SPIDR: variants seen among roughly 807,000 people sequenced by gnomAD.
The protein encoded by SPIDR is scaffold protein involved in DNA repair.
SPIDR carries 93 observed loss-of-function variants against 104.6 expected under a neutral mutation model. That is an observed-to-expected ratio of 0.89 (90% CI 0.75 to 1.06). The LOEUF is 1.06. Ranked by LOEUF, SPIDR falls within the 50% of genes least tolerant of loss-of-function variation. The pLI is 0.00. For synonymous variants in SPIDR, 431 were observed against 416.9 expected, an observed-to-expected ratio of 1.03 and a Z score of -0.41; for missense variants, 1,154 against 1,111.2, an observed-to-expected ratio of 1.04 and a Z score of -0.55.
At chr8:47,613,315 G>T (rs1431584602) in intron 10 of SPIDR, among the ~76,000 whole-genome samples, 1 of 152,192 alleles carries the variant, frequency 6.6e-6, no homozygotes, top group African/African-American at 2.4e-5. Context: ...CCATGCTGTA[G>T]CATGTACCAG....
At chr8:47,382,917 T>G (rs28687639) in intron 5 of SPIDR, among the ~76,000 whole-genome samples, 59 of 152,324 alleles carry the variant, frequency 3.9e-4, no homozygotes, top group Admixed American at 1.1e-3. Flanking sequence ...GGTCTTTTTC[T>G]TATCGTTTTG....
intron 8 of SPIDR, among the ~76,000 whole-genome samples, chr8:47,459,654 C>A (rs1471879415): frequency 1.3e-5 from 2 of 151,668 alleles, no homozygotes; most frequent in Non-Finnish European, 2.9e-5. Context: ...TTGGTTATTT[C>A]CTTTCTTCTG....
At chr8:47,628,699 ACTC>A (rs924202704) in intron 10 of SPIDR, among the ~76,000 whole-genome samples, 9 of 152,256 alleles carry the variant, frequency 5.9e-5, no homozygotes, top group Admixed American at 4.6e-4. Context: ...CTGAAAAAAA[ACTC>A]CTGTCCCAAG....
At chr8:47,467,511 C>T (rs1554718296) in intron 8 of SPIDR, among the ~76,000 whole-genome samples, 3 of 152,156 alleles carry the variant, frequency 2.0e-5, no homozygotes, top group Non-Finnish European at 4.4e-5. Context: ...AGCTTATCCA[C>T]CACGATCAAG....
chr8:47,601,648 G>A (rs562428298), intron 10 of SPIDR, among the ~76,000 whole-genome samples: 10 of 152,286 alleles, frequency 6.6e-5, no homozygotes, highest in Middle Eastern at 3.4e-3. Flanking sequence ...AGCCAAGATC[G>A]TGCCACTGCA....
At chr8:47,422,719 C>G (rs1253344768) in intron 7 of SPIDR, among the ~76,000 whole-genome samples, 1 of 152,140 alleles carries the variant, frequency 6.6e-6, no homozygotes, top group Non-Finnish European at 1.5e-5. Context: ...GAGATGTAGA[C>G]TGGAGCTGTT....
intron 12 of SPIDR, 48 bp downstream of exon 12, chr8:47,700,538 C>A: frequency 6.3e-7 from 1 of 1,589,934 alleles, no homozygotes; most frequent in Non-Finnish European, 8.6e-7. Flanking sequence ...CTACTCCATG[C>A]CAGGTGCCAA....
chr8:47,728,349 C>A (rs1430935242), intron 17 of SPIDR, among the ~76,000 whole-genome samples: 1 of 150,908 alleles, frequency 6.6e-6, no homozygotes, highest in Non-Finnish European at 1.5e-5. Flanking sequence ...GTGGGAGAAT[C>A]ACTTGAACCA....
At chr8:47,661,434 A>G (rs193185614) in intron 10 of SPIDR, among the ~76,000 whole-genome samples, 1 of 152,250 alleles carries the variant, frequency 6.6e-6, no homozygotes, top group Non-Finnish European at 1.5e-5. Flanking sequence ...AGTGTGGTGT[A>G]CTGGATGCAT....
chr8:47,536,838 C>T (rs1282304267), intron 8 of SPIDR, among the ~76,000 whole-genome samples: 4 of 152,162 alleles, frequency 2.6e-5, no homozygotes, highest in Non-Finnish European at 5.9e-5. Flanking sequence ...AGAACTTGTA[C>T]TCAGAATATA....
At chr8:47,562,591 G>A (rs774150168) in intron 8 of SPIDR, among the ~76,000 whole-genome samples, 5 of 152,224 alleles carry the variant, frequency 3.3e-5, no homozygotes, top group Non-Finnish European at 7.3e-5. Context: ...GTCACCTGAG[G>A]TGACTGCCTT....
At chr8:47,320,000 G>C (rs1374804810) in intron 5 of SPIDR, among the ~76,000 whole-genome samples, 1 of 151,824 alleles carries the variant, frequency 6.6e-6, no homozygotes, top group Non-Finnish European at 1.5e-5. Flanking sequence ...AAGCAGGAAA[G>C]ATCTAAAATT....
intron 5 of SPIDR, among the ~76,000 whole-genome samples, chr8:47,340,267 T>C (rs1360402006): frequency 6.6e-6 from 1 of 152,158 alleles, no homozygotes; most frequent in Non-Finnish European, 1.5e-5. Context: ...ACCGTGGGAC[T>C]CGAAGTTTAA....
chr8:47,489,085 T>C (rs1228927841), intron 8 of SPIDR, among the ~76,000 whole-genome samples: 1 of 152,174 alleles, frequency 6.6e-6, no homozygotes, highest in Admixed American at 6.5e-5. Context: ...GATGACATGA[T>C]TGTATATTTA....
At chr8:47,430,717 T>G (rs1364905542) in intron 7 of SPIDR, among the ~76,000 whole-genome samples, 2 of 152,198 alleles carry the variant, frequency 1.3e-5, no homozygotes, top group African/African-American at 2.4e-5. Context: ...CACATTTGTT[T>G]CTCAGTTGAT....
intron 16 of SPIDR, among the ~76,000 whole-genome samples, chr8:47,725,581 G>A (rs768406304): frequency 2.4e-4 from 37 of 152,186 alleles, no homozygotes; most frequent in Middle Eastern, 6.8e-3. Context: ...CAGTAGAGAC[G>A]GAGTTTCACT....
intron 2 of SPIDR, among the ~76,000 whole-genome samples, chr8:47,282,364 A>G (rs981633514): frequency 6.6e-6 from 1 of 152,260 alleles, no homozygotes; most frequent in Non-Finnish European, 1.5e-5. Context: ...TCATCTTCTA[A>G]TATAAGGCTC....
At chr8:47,653,817 A>G (rs1563434362) in intron 10 of SPIDR, among the ~76,000 whole-genome samples, 1 of 152,192 alleles carries the variant, frequency 6.6e-6, no homozygotes, top group Non-Finnish European at 1.5e-5. Context: ...AGAGCTCCTC[A>G]AGTTATTATA....
chr8:47,417,890 C>T (rs2064654739), intron 7 of SPIDR, among the ~76,000 whole-genome samples: 1 of 150,650 alleles, frequency 6.6e-6, no homozygotes, highest in Admixed American at 6.6e-5. Context: ...AATCCTTTCC[C>T]CATTTCTTGT....
Sources: gnomAD v4.1 joint callset for allele counts (sites outside exome capture counted in the v4.1 genomes callset) on GRCh38, gnomAD v4.1.1 for gene constraint, MANE v1.5 for transcripts, NCBI Gene and HGNC (gene_info 2026-07-23, HGNC 2026-07-21) for gene names.